FSTL5: variants seen among roughly 807,000 people sequenced by gnomAD.
FSTL5 encodes the protein follistatin-related protein 5.
FSTL5 carries 62 observed loss-of-function variants against 89.1 expected under a neutral mutation model. The ratio of observed to expected loss-of-function variants is 0.70; its 90% CI spans 0.57 to 0.86. The LOEUF (loss-of-function observed/expected upper bound fraction) is 0.86, where lower values mean the gene tolerates loss of function less well. Ranked by LOEUF, FSTL5 falls within the 40% of genes least tolerant of loss-of-function variation. FSTL5 has a pLI of 0.00. For missense variants in FSTL5, 1,057 were observed against 1,001.6 expected, an observed-to-expected ratio of 1.06 and a Z score of -0.75; for synonymous variants, 383 against 346.2, an observed-to-expected ratio of 1.11 and a Z score of -1.18.
chr4:162,152,641 G>A (rs545628109), intron 1 of FSTL5, among the ~76,000 whole-genome samples: 1 of 152,166 alleles, frequency 6.6e-6, no homozygotes, highest in African/African-American at 2.4e-5. Flanking sequence ...CCCTAATAAT[G>A]CCATAGTGTC....
intron 10 of FSTL5, among the ~76,000 whole-genome samples, chr4:161,525,642 T>C (rs956810581): frequency 6.6e-6 from 1 of 152,186 alleles, no homozygotes; most frequent in Admixed American, 6.5e-5. Context: ...TCTGGATGTA[T>C]GGGAATTCAA....
intron 7 of FSTL5, among the ~76,000 whole-genome samples, chr4:161,588,384 A>G (rs1733691871): frequency 6.6e-6 from 1 of 152,126 alleles, no homozygotes; most frequent in Admixed American, 6.5e-5. Flanking sequence ...TTATAGCCAT[A>G]ACATAGAATA....
chr4:161,613,219 G>A (rs1015651472), intron 7 of FSTL5, among the ~76,000 whole-genome samples: 1 of 152,140 alleles, frequency 6.6e-6, no homozygotes, highest in Non-Finnish European at 1.5e-5. Context: ...TTGGGAGGAT[G>A]AGGCGGGGGA....
Position 161,449,789 on chromosome 4 carries a change from A to AG in FSTL5, c.1841+5214dup, listed in dbSNP as rs561479833. Among the ~76,000 whole-genome samples, 604 of 152,224 alleles carry AG rather than the reference A, an allele frequency of 4.0e-3. 1 individual carries two copies. Among genetic ancestry groups the AG allele is most frequent in the Admixed American group, 6.3e-3 (97 of 15,284 alleles). ...TAAATTGTATCAAAGGTATTATTTTAGTCAGTGAGAACCTTAAAGGATTTC... is the reference window on the plus strand; with the variant it reads ...TAAATTGTATCAAAGGTATTATTTTAGGTCAGTGAGAACCTTAAAGGATTTC... On this transcript the variant is annotated intron_variant, in intron 15 of 15. Transcript: ENST00000306100.
chr4:161,935,591 A>G (rs975499837), intron 3 of FSTL5, among the ~76,000 whole-genome samples: 1 of 152,084 alleles, frequency 6.6e-6, no homozygotes, highest in Admixed American at 6.6e-5. Flanking sequence ...ACATCTTGGC[A>G]GGACTGTTCA....
chr4:162,092,301 A>T (rs1269038257), intron 2 of FSTL5, among the ~76,000 whole-genome samples: 1 of 152,194 alleles, frequency 6.6e-6, no homozygotes, highest in Non-Finnish European at 1.5e-5. Context: ...TAGAGTCATT[A>T]TACACCTGGA....
intron 4 of FSTL5, among the ~76,000 whole-genome samples, chr4:161,794,610 G>C (rs1729574263): frequency 6.6e-6 from 1 of 152,140 alleles, no homozygotes; most frequent in African/African-American, 2.4e-5. Flanking sequence ...TTTGGGCTCA[G>C]AGGGCAATGC....
chr4:161,386,401 A>G lies in FSTL5; in HGVS notation c.1890T>C (p.Asp630=), dbSNP rs145007137. The change falls in exon 16 of 16, where the codon GAT becomes GAC. Residue 630 remains aspartate (D), a synonymous_variant. Transcript: ENST00000306100. ...HKDEAALQKI[D]LETMSYIKTI... Reference sequence around the variant, plus strand: ...TCTTGATGTATGACATGGTTTCAAGATCAATTTTTTGTAGTGCAGCTTCAT... The same window carrying G: ...TCTTGATGTATGACATGGTTTCAAGGTCAATTTTTTGTAGTGCAGCTTCAT... 8 of 1,613,542 alleles carry G rather than the reference A, an allele frequency of 5.0e-6. No homozygotes were observed. The South Asian group carries it at 5.5e-5, about 11-fold the overall frequency.
At chr4:161,952,927 A>G (rs2110957612) in intron 3 of FSTL5, among the ~76,000 whole-genome samples, 1 of 151,952 alleles carries the variant, frequency 6.6e-6, no homozygotes, top group Non-Finnish European at 1.5e-5. Context: ...AGTTACAAAA[A>G]TATGATGGGT....
chr4:161,916,722 A>T (rs1032223215), intron 4 of FSTL5, among the ~76,000 whole-genome samples: 6 of 152,196 alleles, frequency 3.9e-5, no homozygotes, highest in Non-Finnish European at 8.8e-5. Context: ...CACTAAAAAA[A>T]TTATTGGTAA....
At chr4:161,876,314 A>G (rs1732441774) in intron 4 of FSTL5, among the ~76,000 whole-genome samples, 1 of 152,204 alleles carries the variant, frequency 6.6e-6, no homozygotes, top group African/African-American at 2.4e-5. Flanking sequence ...TGTATTTTCT[A>G]CATTATAATC....
intron 1 of FSTL5, among the ~76,000 whole-genome samples, chr4:162,111,652 T>A (rs1170327475): frequency 1.3e-5 from 2 of 151,800 alleles, no homozygotes; most frequent in Non-Finnish European, 2.9e-5. Context: ...ATATAGGGAC[T>A]GATAAAAATG....
chr4:161,809,388 T>A (rs905886793), intron 4 of FSTL5, among the ~76,000 whole-genome samples: 16 of 152,176 alleles, frequency 1.1e-4, no homozygotes, highest in African/African-American at 3.6e-4. Flanking sequence ...CCTATTAGAA[T>A]GTAAAATGAT....
chr4:162,119,621 C>T (rs2111429285), intron 1 of FSTL5, among the ~76,000 whole-genome samples: 1 of 152,266 alleles, frequency 6.6e-6, no homozygotes, highest in African/African-American at 2.4e-5. Flanking sequence ...ATGATTAGAT[C>T]AGGGTAAGTT....
chr4:161,770,962 G>A (rs1741187585), intron 5 of FSTL5, among the ~76,000 whole-genome samples: 1 of 151,898 alleles, frequency 6.6e-6, no homozygotes, highest in African/African-American at 2.4e-5. Context: ...AGGTAGATAA[G>A]CTCCTTAAAT....
intron 4 of FSTL5, among the ~76,000 whole-genome samples, chr4:161,803,494 A>C (rs1466568942): frequency 3.3e-5 from 5 of 151,946 alleles, no homozygotes; most frequent in African/African-American, 7.2e-5. Context: ...TCTATATGTA[A>C]AGATAGTGAC....
At position 161,966,074 on chromosome 4, in the gene FSTL5, T is replaced by G. The variant is rs1170993051; in HGVS notation, c.161-45422A>C. On this transcript the variant is annotated intron_variant, in intron 3 of 15. Transcript: ENST00000306100. ...TTGTTTATATATACAAGTTTCTTAT[T>G]GCCACAAAGACAACTTGGCTGCAAT... Among the ~76,000 whole-genome samples, 7 of 152,238 alleles carry G rather than the reference T, an allele frequency of 4.6e-5. No homozygotes were observed. The South Asian group carries it at 8.3e-4, about 18-fold the overall frequency.
chr4:161,519,342 T>C (rs1425396339), intron 10 of FSTL5, among the ~76,000 whole-genome samples: 1 of 151,952 alleles, frequency 6.6e-6, no homozygotes, highest in Admixed American at 6.6e-5. Flanking sequence ...CTGGCTAACC[T>C]GGTGAAACCC....
At chr4:161,980,094 A>AAAAG (rs1272537209) in intron 3 of FSTL5, among the ~76,000 whole-genome samples, 3 of 148,944 alleles carry the variant, frequency 2.0e-5, no homozygotes, top group Non-Finnish European at 3.0e-5. Context: ...AGAAAAAAGA[A>AAAAG]AAAGAAAGAG....
Sources: allele counts gnomAD v4.1 joint callset (sites outside exome capture counted in the v4.1 genomes callset), GRCh38; gene constraint gnomAD v4.1.1; transcripts MANE v1.5; gene names NCBI Gene and HGNC (gene_info 2026-07-23, HGNC 2026-07-21).